SLC7A14: variants seen among roughly 807,000 people sequenced by gnomAD.
SLC7A14 encodes solute carrier family 7 member 14.
In SLC7A14, 37 loss-of-function variants were observed where a neutral mutation model predicts 60.2. The observed-to-expected ratio is 0.61, with a 90% CI of 0.47 to 0.81. The LOEUF is 0.81. Ranked by LOEUF, SLC7A14 falls within the 30% of genes least tolerant of loss-of-function variation. The pLI, the probability that SLC7A14 is intolerant of heterozygous loss-of-function variation, is 0.00. For synonymous variants in SLC7A14, 399 were observed against 395.8 expected (o/e 1.01, Z -0.10); for missense variants, 886 against 982.7 (o/e 0.90, Z 1.32).
At chr3:170,550,665 G>A (rs1468470035) in intron 1 of SLC7A14, among the ~76,000 whole-genome samples, 3 of 151,462 alleles carry the variant, frequency 2.0e-5, no homozygotes, top group African/African-American at 7.3e-5. Flanking sequence ...GGGATTACAG[G>A]TTCCTGCCAC....
In SLC7A14 at chr3:170,532,500, T is replaced by A. The variant is rs1479567146; in HGVS notation, c.-152-5412A>T. 6.6e-6 allele frequency among the ~76,000 whole-genome samples: 1 copy of A among 152,246 alleles called. No homozygotes were observed. The highest frequency in any genetic ancestry group is 1.5e-5 in the Non-Finnish European group (1 of 68,042). On this transcript the variant is annotated intron_variant, in intron 1 of 7. Coordinates refer to ENST00000231706, the MANE Select transcript of SLC7A14 (RefSeq NM_020949.3). This position sits in a 1 kb window ranked among gnomAD's most constrained non-coding sequence, Gnocchi z 4.0. Reference sequence around the variant, plus strand: ...AAGTGACCTTGGGCAAACCTCACTATGCGTCAGTTTTGCCATTTGTAAAAT... The same window carrying A: ...AAGTGACCTTGGGCAAACCTCACTAAGCGTCAGTTTTGCCATTTGTAAAAT...
chr3:170,577,523 C>G (rs1233284859), intron 1 of SLC7A14, among the ~76,000 whole-genome samples: 2 of 148,838 alleles, frequency 1.3e-5, no homozygotes, highest in African/African-American at 5.0e-5. Context: ...GAGGCTGAGG[C>G]AGGAGAATGG....
chr3:170,510,387 C>CAAAAA (rs200708263), intron 2 of SLC7A14, among the ~76,000 whole-genome samples: 3 of 99,124 alleles, frequency 3.0e-5, no homozygotes, highest in East Asian at 5.3e-4. Context: ...AAGACTCTGT[C>CAAAAA]AAAAAAAAAA....
chr3:170,462,069 A>G lies in SLC7A14; in HGVS notation c.*4986T>C, dbSNP rs1478638332. On this transcript the variant is annotated 3_prime_UTR_variant, in exon 8 of 8. Transcript: ENST00000231706. Reference sequence around the variant, plus strand: ...AAGCAGACCCCCGCTCTGGCTTCAGACACATTTCCTGAGTTCTGACTTTTC... The same window carrying G: ...AAGCAGACCCCCGCTCTGGCTTCAGGCACATTTCCTGAGTTCTGACTTTTC... 1 of 152,300 alleles carries G rather than the reference A, an allele frequency of 6.6e-6. No individual in the cohort carries two copies. Among genetic ancestry groups the G allele is most frequent in the Non-Finnish European group, 1.5e-5 (1 of 68,116 alleles). 9.4% of individuals were successfully genotyped at this position (152,300 alleles called of 1,614,324 possible).
At chr3:170,509,472 A>AC (rs1560263574) in intron 2 of SLC7A14, among the ~76,000 whole-genome samples, 2 of 152,018 alleles carry the variant, frequency 1.3e-5, no homozygotes. Flanking sequence ...CAGAGAAGTC[A>AC]CCCCCCAAAA....
In SLC7A14 at chr3:170,466,964, A is replaced by C. The variant is rs565662035; in HGVS notation, c.*91T>G. The C allele has an allele frequency of 1.8e-6, 2 of 1,124,604 alleles. No homozygotes were observed. Among genetic ancestry groups the C allele is most frequent in the African/African-American group, 1.6e-5 (1 of 64,270 alleles). 69.7% of individuals were successfully genotyped at this position (1,124,604 alleles called of 1,614,324 possible). A position where few individuals can be genotyped will look rare whatever the true frequency, so the allele number is the denominator to read the frequency against. ...AATTTGGGGAAGGCTGGATTTGTGA[A>C]ATGAGAGCCAAAAAAGTTTTCACCT... On this transcript the variant is annotated 3_prime_UTR_variant, in exon 8 of 8. Transcript: ENST00000231706.
chr3:170,549,861 A>T (rs1459846517), intron 1 of SLC7A14, among the ~76,000 whole-genome samples: 1 of 152,228 alleles, frequency 6.6e-6, no homozygotes, highest in Non-Finnish European at 1.5e-5. Flanking sequence ...GTGAGGATGG[A>T]AAGCAATTTA....
intron 1 of SLC7A14, among the ~76,000 whole-genome samples, chr3:170,539,298 C>T (rs1180272236): frequency 6.6e-6 from 1 of 152,194 alleles, no homozygotes; most frequent in Non-Finnish European, 1.5e-5. Context: ...ATGACTTACT[C>T]TTCATGCTTC....
chr3:170,471,063 A>C (rs1739887062), intron 7 of SLC7A14, among the ~76,000 whole-genome samples: 1 of 149,060 alleles, frequency 6.7e-6, no homozygotes, highest in Non-Finnish European at 1.5e-5. Flanking sequence ...TGTTTTGTTT[A>C]GACTCCCTTT....
intron 1 of SLC7A14, among the ~76,000 whole-genome samples, chr3:170,577,733 G>C (rs1715137602): frequency 6.6e-6 from 1 of 151,132 alleles, no homozygotes; most frequent in South Asian, 2.1e-4. Context: ...TAACAAGCCA[G>C]AAACTAGAGC....
In SLC7A14 at chr3:170,526,833, A is replaced by G; in HGVS notation, c.104T>C (p.Met35Thr). ...RILRTKPVES[M>T]LEGTGTTTAH... ...CGTGGTGGTCCCAGTTCCCTCTAGC[A>G]TGGACTCCACTGGTTTGGTGCGTAG... Residue 35 changes from methionine (M) to threonine (T), a missense_variant, in exon 2 of 8, where the codon ATG becomes ACG. By Grantham distance (81) the Met-to-Thr change is moderately conservative (BLOSUM62 -1). Transcript: ENST00000231706. 1 of 1,614,118 alleles carries G rather than the reference A, an allele frequency of 6.2e-7. No individual in the cohort carries two copies. Among genetic ancestry groups the G allele is most frequent in the Non-Finnish European group, 8.5e-7 (1 of 1,180,012 alleles).
chr3:170,531,832 T>C (rs1002667667), intron 1 of SLC7A14, among the ~76,000 whole-genome samples: 4 of 152,178 alleles, frequency 2.6e-5, no homozygotes, highest in Non-Finnish European at 4.4e-5. Context: ...ACAGGGCCTC[T>C]GGGAGAAGAG....
chr3:170,525,291 AAGGAAG>A (rs945887449), intron 2 of SLC7A14, among the ~76,000 whole-genome samples: 1 of 152,228 alleles, frequency 6.6e-6, no homozygotes, highest in African/African-American at 2.4e-5. Context: ...CTCAAGAGAA[AAGGAAG>A]GAAGAGGAAA....
chr3:170,580,179 A>T (rs1434827115), intron 1 of SLC7A14, among the ~76,000 whole-genome samples: 2 of 152,334 alleles, frequency 1.3e-5, no homozygotes, highest in South Asian at 2.1e-4. Context: ...TGTGTTCCAA[A>T]CATCCTTAAC....
intron 1 of SLC7A14, among the ~76,000 whole-genome samples, chr3:170,563,545 G>A (rs1714718827): frequency 6.6e-6 from 1 of 151,324 alleles, no homozygotes; most frequent in Non-Finnish European, 1.5e-5. Flanking sequence ...AGCCTCCTGA[G>A]TAGCTGGGAT....
At chr3:170,493,637 G>A (rs189391033) in intron 4 of SLC7A14, among the ~76,000 whole-genome samples, 237 of 152,324 alleles carry the variant, frequency 1.6e-3, no homozygotes, top group Non-Finnish European at 2.6e-3. Context: ...GTAACAGAGC[G>A]AGGAATGTGT....
chr3:170,497,833 A>G (rs1311322845), intron 4 of SLC7A14, among the ~76,000 whole-genome samples: 2 of 152,230 alleles, frequency 1.3e-5, no homozygotes, highest in African/African-American at 4.8e-5. Flanking sequence ...TTTCTCTAGC[A>G]TAAACCGCAC....
chr3:170,518,621 G>A (rs557740530), intron 2 of SLC7A14, among the ~76,000 whole-genome samples: 18 of 152,234 alleles, frequency 1.2e-4, no homozygotes, highest in East Asian at 3.9e-4. Flanking sequence ...TAACCTTCCC[G>A]GCATGGCCTC....
At chr3:170,536,348 G>C (rs1441887598) in intron 1 of SLC7A14, among the ~76,000 whole-genome samples, 1 of 152,208 alleles carries the variant, frequency 6.6e-6, no homozygotes, top group African/African-American at 2.4e-5. Flanking sequence ...CAAAGAAGAA[G>C]AGTGAACCAT....
Sources: allele counts gnomAD v4.1 joint callset (sites outside exome capture counted in the v4.1 genomes callset), GRCh38; gene constraint gnomAD v4.1.1; non-coding constraint Gnocchi (gnomAD v3.1); transcripts MANE v1.5; gene names NCBI Gene and HGNC (gene_info 2026-07-23, HGNC 2026-07-21).